The following SERPINI1 variants were observed in gnomAD, a reference collection of about 807,000 sequenced individuals.
The protein encoded by SERPINI1 is neuroserpin.
SERPINI1 carries 19 observed loss-of-function variants against 41.1 expected under a neutral mutation model. That is an observed-to-expected ratio of 0.46 (90% confidence interval 0.32 to 0.68). SERPINI1 has a LOEUF of 0.68. Ranked by LOEUF, SERPINI1 falls within the 30% of genes least tolerant of loss-of-function variation. SERPINI1 has a pLI of 0.03. For missense variants in SERPINI1, 460 were observed against 479.2 expected (o/e 0.96, Z 0.37); for synonymous variants, 138 against 156.6 (o/e 0.88, Z 0.89).
chr3:167,815,119 T>G (rs760172128), intron 6 of SERPINI1, among the ~76,000 whole-genome samples: 2 of 152,152 alleles, frequency 1.3e-5, no homozygotes, highest in African/African-American at 2.4e-5. Context: ...GTGCATAAGA[T>G]AAGTAGAACA....
chr3:167,748,179 T>C (rs1054465047), intron 1 of SERPINI1, among the ~76,000 whole-genome samples: 2 of 151,966 alleles, frequency 1.3e-5, no homozygotes, highest in Non-Finnish European at 2.9e-5. Context: ...CTTTAGTCCA[T>C]TAGTGAAACA....
intron 1 of SERPINI1, among the ~76,000 whole-genome samples, chr3:167,747,219 A>G (rs559466182): frequency 1.3e-5 from 2 of 152,318 alleles, no homozygotes; most frequent in Non-Finnish European, 2.9e-5. Context: ...AAAGACACAA[A>G]GTAGATTACT....
chr3:167,747,576 GGAACTTGCAGT>G, intron 1 of SERPINI1, among the ~76,000 whole-genome samples: 1 of 152,208 alleles, frequency 6.6e-6, no homozygotes, highest in African/African-American at 2.4e-5. Context: ...CCCGGGAGGC[GGAACTTGCAGT>G]GAGCCGAGAT....
chr3:167,803,043 C>T (rs1711504907), intron 5 of SERPINI1, among the ~76,000 whole-genome samples: 1 of 151,686 alleles, frequency 6.6e-6, no homozygotes, highest in Non-Finnish European at 1.5e-5. Flanking sequence ...AACCAAACAC[C>T]GCATATTCTC....
chr3:167,810,949 A>T (rs1711855373), intron 6 of SERPINI1, among the ~76,000 whole-genome samples: 1 of 152,080 alleles, frequency 6.6e-6, no homozygotes, highest in Non-Finnish European at 1.5e-5. Context: ...TTCTTTGTTC[A>T]TCCCTATGAA....
chr3:167,823,735 C>T (rs1356758081), intron 7 of SERPINI1, among the ~76,000 whole-genome samples: 1 of 152,072 alleles, frequency 6.6e-6, no homozygotes, highest in Non-Finnish European at 1.5e-5. Flanking sequence ...CACTAACTAT[C>T]CCAACATACC....
At chr3:167,744,578 T>C (rs1367238027) in intron 1 of SERPINI1, among the ~76,000 whole-genome samples, 3 of 144,256 alleles carry the variant, frequency 2.1e-5, no homozygotes, top group Non-Finnish European at 4.5e-5. Flanking sequence ...TAAAATATAG[T>C]TAATATTTTA....
At chr3:167,753,346 G>T (rs1726101317) in intron 1 of SERPINI1, among the ~76,000 whole-genome samples, 1 of 152,072 alleles carries the variant, frequency 6.6e-6, no homozygotes, top group Non-Finnish European at 1.5e-5. Flanking sequence ...TTGATAATTA[G>T]GGATGTTCAA....
At chr3:167,754,160 A>G (rs753767891) in intron 1 of SERPINI1, among the ~76,000 whole-genome samples, 2 of 152,158 alleles carry the variant, frequency 1.3e-5, no homozygotes, top group Non-Finnish European at 2.9e-5. Flanking sequence ...ATTCATTTTT[A>G]TACTGGTTAA....
At chr3:167,803,508 C>A (rs1711520161) in intron 5 of SERPINI1, among the ~76,000 whole-genome samples, 1 of 152,120 alleles carries the variant, frequency 6.6e-6, no homozygotes, top group South Asian at 2.1e-4. Context: ...CTCCTGCATG[C>A]TAGCACCATC....
intron 1 of SERPINI1, among the ~76,000 whole-genome samples, chr3:167,785,102 G>T (rs536035834): frequency 6.6e-6 from 1 of 152,188 alleles, no homozygotes; most frequent in Non-Finnish European, 1.5e-5. Context: ...TTAGCTGGGC[G>T]TGGTGGCATG....
chr3:167,748,379 G>T (rs1325327364), intron 1 of SERPINI1, among the ~76,000 whole-genome samples: 1 of 152,160 alleles, frequency 6.6e-6, no homozygotes, highest in Non-Finnish European at 1.5e-5. Context: ...AAACCTTTAA[G>T]GTCAAGGAAG....
chr3:167,766,332 G>T (rs1161205819), intron 1 of SERPINI1, among the ~76,000 whole-genome samples: 1 of 152,092 alleles, frequency 6.6e-6, no homozygotes, highest in Non-Finnish European at 1.5e-5. Context: ...TATATGGATG[G>T]CAGCAGGCAA....
At chr3:167,807,459 A>G (rs1002457163) in intron 6 of SERPINI1, 118 bp downstream of exon 6, 16 of 674,990 alleles carry the variant, frequency 2.4e-5, no homozygotes, top group Non-Finnish European at 2.9e-5. Context: ...CCACTTGCCA[A>G]ATAAATCTAG....
chr3:167,749,197 C>G (rs1725963930), intron 1 of SERPINI1, among the ~76,000 whole-genome samples: 2 of 152,118 alleles, frequency 1.3e-5, no homozygotes, highest in African/African-American at 4.8e-5. Flanking sequence ...CTCATTTCCT[C>G]TCTTCTGTGT....
chr3:167,744,667 T>C lies in SERPINI1; in HGVS notation c.-19+8844T>C, dbSNP rs1000180230. Among the ~76,000 whole-genome samples, 9 of 113,360 alleles carry C rather than the reference T, an allele frequency of 7.9e-5. No individual in the cohort carries two copies. The South Asian group carries it at 2.1e-3, about 27-fold the overall frequency. The allele number at this position is 113,360 out of a possible 152,430, so 74.4% of individuals were successfully genotyped here. On this transcript the variant is annotated intron_variant, in intron 1 of 8. Transcript: ENST00000446050. ...ATATAAATATATATAAATATAAAAA[T>C]ATATATATAAATATATATATAAACA...
chr3:167,815,201 C>G (rs910135527), intron 6 of SERPINI1, among the ~76,000 whole-genome samples: 1 of 152,076 alleles, frequency 6.6e-6, no homozygotes, highest in African/African-American at 2.4e-5. Flanking sequence ...TGCATGACAT[C>G]GCCTGTTTCT....
chr3:167,785,910 C>T (rs1727287481), intron 1 of SERPINI1, among the ~76,000 whole-genome samples: 1 of 152,210 alleles, frequency 6.6e-6, no homozygotes, highest in South Asian at 2.1e-4. Flanking sequence ...TGGTCTTACA[C>T]ACTTATTGCC....
chr3:167,799,116 A>G (rs893873167), intron 5 of SERPINI1, among the ~76,000 whole-genome samples: 3 of 152,268 alleles, frequency 2.0e-5, no homozygotes, highest in African/African-American at 7.2e-5. Flanking sequence ...ATAGGTATAC[A>G]CGTGCCATGG....
Sources: gnomAD v4.1 joint callset for allele counts (sites outside exome capture counted in the v4.1 genomes callset) on GRCh38, gnomAD v4.1.1 for gene constraint, MANE v1.5 for transcripts, NCBI Gene and HGNC (gene_info 2026-07-23, HGNC 2026-07-21) for gene names.